TMPRSS15: variants seen among roughly 807,000 people sequenced by gnomAD.
TMPRSS15 encodes transmembrane serine protease 15.
TMPRSS15 carries 128 observed loss-of-function variants against 125.3 expected under a neutral mutation model. That is an observed-to-expected ratio of 1.02 (90% CI 0.89 to 1.18). The LOEUF is 1.18. Among genes scored for constraint, TMPRSS15 ranks in the 50% most tolerant of loss-of-function variants. TMPRSS15 has a pLI of 0.00. For missense variants in TMPRSS15, 1,283 were observed against 1,212.7 expected (o/e 1.06, Z -0.86); for synonymous variants, 446 against 423.2 (o/e 1.05, Z -0.66).
At chr21:18,465,826 G>A (rs955736262) in intron 1 of TMPRSS15, among the ~76,000 whole-genome samples, 5 of 152,148 alleles carry the variant, frequency 3.3e-5, no homozygotes, top group Non-Finnish European at 5.9e-5. Flanking sequence ...GGTGAAAATG[G>A]CCATACTGCC....
intron 22 of TMPRSS15, among the ~76,000 whole-genome samples, chr21:18,279,623 C>T (rs1015280742): frequency 4.0e-5 from 6 of 151,592 alleles, no homozygotes; most frequent in African/African-American, 4.8e-5. Context: ...TGTGAGCCAC[C>T]GCACCCGGCC....
At chr21:18,398,368 A>G (rs1286933189) in intron 1 of TMPRSS15, 39 bp from the exon 2 acceptor site, 3 of 1,607,722 alleles carry the variant, frequency 1.9e-6, no homozygotes, top group African/African-American at 2.7e-5. Flanking sequence ...AAGATTTTGG[A>G]TTATGAGTAG....
intron 9 of TMPRSS15, 114 bp from the exon 10 acceptor site, chr21:18,353,166 T>C (rs1188254045): frequency 3.3e-6 from 3 of 916,142 alleles, no homozygotes; most frequent in Non-Finnish European, 5.0e-6. Context: ...CAGTGGTATG[T>C]ACAAAATCAT....
intron 1 of TMPRSS15, among the ~76,000 whole-genome samples, chr21:18,456,959 T>C (rs1330830995): frequency 2.0e-5 from 3 of 152,072 alleles, no homozygotes; most frequent in South Asian, 2.1e-4. Context: ...AAATTTTCAA[T>C]AGTGAATTCC....
chr21:18,277,380 GT>G (rs1384847030), intron 23 of TMPRSS15, among the ~76,000 whole-genome samples: 1 of 152,084 alleles, frequency 6.6e-6, no homozygotes, highest in East Asian at 1.9e-4. Context: ...TGGTTAATTT[GT>G]TTTTGAAGAG....
intron 1 of TMPRSS15, among the ~76,000 whole-genome samples, chr21:18,449,452 C>G (rs1348430631): frequency 6.6e-6 from 1 of 152,042 alleles, no homozygotes; most frequent in African/African-American, 2.4e-5. Context: ...TTCCTATTCT[C>G]TTTTTTAAAT....
chr21:18,460,136 G>A (rs1978524513), intron 1 of TMPRSS15, among the ~76,000 whole-genome samples: 1 of 151,912 alleles, frequency 6.6e-6, no homozygotes, highest in Admixed American at 6.6e-5. Context: ...CTGTATTTAT[G>A]GCTTATATAC....
chr21:18,334,301 G>A (rs1484812899), intron 13 of TMPRSS15, among the ~76,000 whole-genome samples: 1 of 152,172 alleles, frequency 6.6e-6, no homozygotes, highest in African/African-American at 2.4e-5. Flanking sequence ...AAGAGATAGG[G>A]CATGGTCCTG....
intron 1 of TMPRSS15, among the ~76,000 whole-genome samples, chr21:18,450,870 C>A (rs1378588957): frequency 6.6e-6 from 1 of 152,118 alleles, no homozygotes; most frequent in African/African-American, 2.4e-5. Flanking sequence ...AGATTTGATT[C>A]ATATATACAC....
At chr21:18,434,085 T>G (rs1233444630) in intron 1 of TMPRSS15, among the ~76,000 whole-genome samples, 1 of 152,192 alleles carries the variant, frequency 6.6e-6, no homozygotes, top group Non-Finnish European at 1.5e-5. Flanking sequence ...TCCTTTGTTT[T>G]TTCTTTCATG....
chr21:18,393,460 G>A (rs554218996), intron 3 of TMPRSS15, among the ~76,000 whole-genome samples: 2 of 152,110 alleles, frequency 1.3e-5, no homozygotes, highest in Non-Finnish European at 2.9e-5. Context: ...CATTACATGA[G>A]AAAATTAAAT....
chr21:18,301,775 C>T lies in TMPRSS15; in HGVS notation c.2166-3946G>A, dbSNP rs537900337. 6.6e-5 allele frequency among the ~76,000 whole-genome samples: 10 copies of T among 152,216 alleles called. No individual in the cohort carries two copies. The East Asian group carries it at 7.7e-4, about 12-fold the overall frequency. On this transcript the variant is annotated intron_variant, in intron 18 of 24. Coordinates refer to ENST00000284885, the MANE Select transcript of TMPRSS15 (RefSeq NM_002772.3). ...ACCTTGTTGACATACTAATGCCTCC[C>T]GGAAACCTATTTCTAAGCTTTTATT...
At position 18,398,256 on chromosome 21, in the gene TMPRSS15, A is replaced by T; in HGVS notation, c.219T>A (p.Asn73Lys). ...KITSGVTYNPNLQDKLSVDFK... is the reference protein window; with the variant it reads ...KITSGVTYNPKLQDKLSVDFK... ...AATCCACTGAGAGTTTGTCTTGCAA[A>T]TTAGGATTATATGTAACTCCGGATG... Residue 73 changes from asparagine (N) to lysine (K), a missense_variant, in exon 2 of 25, where the codon AAT becomes AAA. Physicochemically the swap from Asn to Lys is moderately conservative, Grantham distance 94. Transcript: ENST00000284885. The T allele has an allele frequency of 6.2e-7, 1 of 1,613,882 alleles. No homozygotes were observed. Among genetic ancestry groups the T allele is most frequent in the Non-Finnish European group, 8.5e-7 (1 of 1,179,800 alleles).
chr21:18,329,904 ATATAAT>A (rs1463408025), intron 14 of TMPRSS15, among the ~76,000 whole-genome samples: 3 of 152,032 alleles, frequency 2.0e-5, no homozygotes, highest in African/African-American at 4.8e-5. Flanking sequence ...CTCTTAAGAA[ATATAAT>A]TATATTTATA....
intron 10 of TMPRSS15, among the ~76,000 whole-genome samples, chr21:18,348,271 T>C (rs1844211907): frequency 1.3e-5 from 2 of 152,188 alleles, no homozygotes; most frequent in Non-Finnish European, 2.9e-5. Context: ...AGGTTTTTCT[T>C]AAAACTCCTT....
rs1044040978 is a variant in TMPRSS15, at chr21:18,325,530, C to G, written c.1921+902G>C. On this transcript the variant is annotated intron_variant, in intron 16 of 24. Coordinates refer to ENST00000284885, the MANE Select transcript of TMPRSS15 (RefSeq NM_002772.3). ...ACTGGATTTTGTATTAGATAATAGG[C>G]CAGATGAAGATGAACTATCCAACCC... Among the ~76,000 whole-genome samples, 11 of 151,976 alleles carry G rather than the reference C, an allele frequency of 7.2e-5. 1 individual carries two copies. In the Middle Eastern group the frequency reaches 0.014, roughly 188 times the overall value.
intron 22 of TMPRSS15, among the ~76,000 whole-genome samples, chr21:18,280,575 C>CA (rs1230513414): frequency 0.019 from 910 of 47,624 alleles, 13 homozygotes; most frequent in East Asian, 0.023. Context: ...GACTCCGTCT[C>CA]AAAAAAAAAA....
Position 18,275,193 on chromosome 21 carries a change from T to C in TMPRSS15, c.2904+4A>G. The stretch of plus-strand genomic sequence containing the variant: ...AGGTACAGTGAGCAGTTTTACATCT[T>C]TACCTGACAAGAATCTATTCCTCCT... On this transcript the variant is annotated splice_donor_region_variant and intron_variant, in intron 24 of 24. Coordinates refer to ENST00000284885, the MANE Select transcript of TMPRSS15 (RefSeq NM_002772.3). 1 of 1,613,750 alleles carries C rather than the reference T, an allele frequency of 6.2e-7. No homozygotes were observed. The highest frequency in any genetic ancestry group is 8.5e-7 in the Non-Finnish European group (1 of 1,179,902).
chr21:18,356,942 T>C (rs1476066240), intron 8 of TMPRSS15, among the ~76,000 whole-genome samples: 1 of 151,758 alleles, frequency 6.6e-6, no homozygotes, highest in East Asian at 1.9e-4. Context: ...AGAAATATAT[T>C]GTCAGCAGTC....
Sources: gnomAD v4.1 joint callset for allele counts (sites outside exome capture counted in the v4.1 genomes callset) on GRCh38, gnomAD v4.1.1 for gene constraint, MANE v1.5 for transcripts, NCBI Gene and HGNC (gene_info 2026-07-23, HGNC 2026-07-21) for gene names.